The following RGS13 variants were observed in gnomAD, a reference collection of about 807,000 sequenced individuals.
The protein encoded by RGS13 is regulator of G-protein signalling 13.
RGS13 carries 14 observed loss-of-function variants against 19.9 expected under a neutral mutation model. That is an observed-to-expected ratio of 0.70 (90% CI 0.46 to 1.10). RGS13 has a LOEUF of 1.10. Among genes scored for constraint, RGS13 ranks in the 50% least tolerant of loss-of-function variants. RGS13 has a pLI of 0.00. For missense variants in RGS13, 205 were observed against 187.1 expected, an observed-to-expected ratio of 1.10 and a Z score of -0.56; for synonymous variants, 60 against 56.8, an observed-to-expected ratio of 1.06 and a Z score of -0.25.
intron 5 of RGS13, 55 bp from the exon 6 acceptor site, chr1:192,658,146 A>G: frequency 1.5e-6 from 2 of 1,365,774 alleles, no homozygotes; most frequent in Non-Finnish European, 2.0e-6. Flanking sequence ...TATTGCTTAG[A>G]TTTTTTTGGT....
chr1:192,643,567 T>G (rs1159865766), intron 3 of RGS13, among the ~76,000 whole-genome samples: 1 of 152,146 alleles, frequency 6.6e-6, no homozygotes, highest in Non-Finnish European at 1.5e-5. Flanking sequence ...ACTCAGAAGG[T>G]GCTTTATTTT....
intron 3 of RGS13, among the ~76,000 whole-genome samples, chr1:192,639,488 T>C (rs972471437): frequency 6.6e-6 from 1 of 151,934 alleles, no homozygotes; most frequent in Non-Finnish European, 1.5e-5. Context: ...ACAACAAAAA[T>C]GAAGAGAAGG....
intron 4 of RGS13, chr1:192,647,272 T>C (rs770184806): frequency 6.6e-6 from 1 of 152,160 alleles, no homozygotes; most frequent in Non-Finnish European, 1.5e-5. Context: ...TTTAACCAAC[T>C]TTGATTCTAC....
chr1:192,646,606 G>C (rs976750029), intron 4 of RGS13: 2 of 152,068 alleles, frequency 1.3e-5, no homozygotes, highest in African/African-American at 4.8e-5. Context: ...TAGGTAGTAA[G>C]CCCAGCATCC....
intron 5 of RGS13, among the ~76,000 whole-genome samples, chr1:192,657,592 C>T (rs1012663645): frequency 2.0e-5 from 3 of 152,084 alleles, no homozygotes; most frequent in Admixed American, 6.6e-5. Context: ...TTTCCAGCAT[C>T]GCGTCTGATT....
intron 3 of RGS13, among the ~76,000 whole-genome samples, chr1:192,640,894 T>C (rs1663092354): frequency 6.6e-6 from 1 of 152,134 alleles, no homozygotes; most frequent in Admixed American, 6.6e-5. Context: ...TGAAATTCTA[T>C]TGGTTTTCCT....
chr1:192,653,886 C>A (rs185004877), intron 5 of RGS13, among the ~76,000 whole-genome samples: 176 of 151,784 alleles, frequency 1.2e-3, no homozygotes, highest in African/African-American at 4.1e-3. Flanking sequence ...TAAAAACGAC[C>A]CACAGAATTG....
In RGS13 at chr1:192,658,344, A is replaced by G. The variant is rs747673405; in HGVS notation, c.271A>G (p.Ile91Val). 1.2e-6 allele frequency: 2 copies of G among 1,613,166 alleles called. No homozygotes were observed. Among genetic ancestry groups the G allele is most frequent in the Non-Finnish European group, 1.7e-6 (2 of 1,179,566 alleles). The part of the protein sequence containing the change: ...SRAKKLYKIY[I>V]QPQSPREINI... Reference sequence around the variant, plus strand: ...GGCAAAGAAGCTTTATAAGATTTACATCCAGCCACAGTCCCCTAGAGAGGT... The same window carrying G: ...GGCAAAGAAGCTTTATAAGATTTACGTCCAGCCACAGTCCCCTAGAGAGGT... Residue 91 changes from isoleucine to valine, a missense_variant, in exon 6 of 7, where the codon ATC becomes GTC. By Grantham distance (29) the Ile-to-Val change is conservative (BLOSUM62 3). Transcript: ENST00000391995.
At chr1:192,642,852 A>AT (rs1207972504) in intron 3 of RGS13, among the ~76,000 whole-genome samples, 1 of 151,376 alleles carries the variant, frequency 6.6e-6, no homozygotes, top group African/African-American at 2.4e-5. Flanking sequence ...ACATTTCGGG[A>AT]TTTTTTGTTT....
rs1304316223 is a variant in RGS13, at chr1:192,638,599, CG to C, written c.-5+399del. Among the ~76,000 whole-genome samples, 10 of 152,082 alleles carry C rather than the reference CG, an allele frequency of 6.6e-5. No individual in the cohort carries two copies. The East Asian group carries it at 1.9e-3, about 29-fold the overall frequency. On this transcript the variant is annotated intron_variant, in intron 3 of 6. Transcript: ENST00000391995. Reference sequence around the variant, plus strand: ...AGTCCCAGAAATCTTAGAATACAGGCGGGAAGGCACCAGGCTCCAGGCACAG... The same window carrying C: ...AGTCCCAGAAATCTTAGAATACAGGCGGAAGGCACCAGGCTCCAGGCACAG...
At chr1:192,655,955 T>C (rs1368354762) in intron 5 of RGS13, among the ~76,000 whole-genome samples, 1 of 152,054 alleles carries the variant, frequency 6.6e-6, no homozygotes. Context: ...GACTTTGGTA[T>C]GACAAGAATT....
chr1:192,644,471 T>C, intron 4 of RGS13, 72 bp downstream of exon 4: 3 of 1,069,342 alleles, frequency 2.8e-6, no homozygotes, highest in Non-Finnish European at 4.2e-6. Context: ...ACATATTTAT[T>C]AAACTGCTAT....
intron 4 of RGS13, chr1:192,645,242 G>A (rs906802632): frequency 6.6e-6 from 1 of 152,094 alleles, no homozygotes; most frequent in African/African-American, 2.4e-5. Context: ...TCCTTTCTTC[G>A]AATGATTCCC....
chr1:192,649,082 G>A (rs879257117), intron 5 of RGS13, among the ~76,000 whole-genome samples: 6 of 152,110 alleles, frequency 3.9e-5, no homozygotes, highest in Non-Finnish European at 7.4e-5. Context: ...TACCTCTACA[G>A]GCTTGGGTCA....
At chr1:192,658,645 T>A in intron 6 of RGS13, 2 of 302,478 alleles carry the variant, frequency 6.6e-6, no homozygotes, top group Non-Finnish European at 6.1e-6. Context: ...CTAGGAAACT[T>A]AAAAAGAAAA....
chr1:192,639,102 A>G (rs1472291567), intron 3 of RGS13, among the ~76,000 whole-genome samples: 3 of 152,092 alleles, frequency 2.0e-5, no homozygotes, highest in Non-Finnish European at 2.9e-5. Flanking sequence ...CAGGGCTACT[A>G]TTAGTGTACA....
rs1437427727 is a variant in RGS13 at position 192,660,135 on chromosome 1, CAT to C, written c.*613_*614del. ...TTAACAAAAAATATATGAATTTCTT[CAT>C]TTGCTCTTGCATCTACATTGCTATA... On this transcript the variant is annotated 3_prime_UTR_variant, in exon 7 of 7. Transcript: ENST00000391995. 6.6e-6 allele frequency: 1 copy of C among 152,046 alleles called. No individual in the cohort carries two copies. Among genetic ancestry groups the C allele is most frequent in the Non-Finnish European group, 1.5e-5 (1 of 67,982 alleles). The allele number at this position is 152,046 out of a possible 1,614,324, so 9.4% of individuals were successfully genotyped here.
At position 192,647,945 on chromosome 1, in the gene RGS13, T is replaced by C. The variant is rs772025133; in HGVS notation, c.85T>C (p.Leu29=). The part of the protein sequence containing the change: ...PPSNLTLEEV[L]QWAQSFENLM... ...TCAAAGCCTTACTTTGGAGGAAGTA[T>C]TACAGTGGGCCCAGTCTTTTGAAAA... The change falls in exon 5 of 7, where the codon TTA becomes CTA. Residue 29 remains leucine, a synonymous_variant. Coordinates refer to ENST00000391995, the MANE Select transcript of RGS13 (RefSeq NM_002927.5). 6.2e-7 allele frequency: 1 copy of C among 1,602,980 alleles called. No individual in the cohort carries two copies. Among genetic ancestry groups the C allele is most frequent in the South Asian group, 1.1e-5 (1 of 89,594 alleles).
intron 6 of RGS13, chr1:192,658,741 G>T (rs1056901248): frequency 2.2e-4 from 40 of 182,624 alleles, no homozygotes; most frequent in Admixed American, 1.9e-3. Context: ...GTGTTGTTGG[G>T]CAATGAGAAA....
Sources: allele counts gnomAD v4.1 joint callset (sites outside exome capture counted in the v4.1 genomes callset), GRCh38; gene constraint gnomAD v4.1.1; transcripts MANE v1.5; gene names NCBI Gene and HGNC (gene_info 2026-07-23, HGNC 2026-07-21).